MARCHF1: variants seen among roughly 807,000 people sequenced by gnomAD.
MARCHF1 encodes the protein membrane associated ring-CH-type finger 1.
In MARCHF1, 40 loss-of-function variants were observed where a neutral mutation model predicts 54.2. That is an observed-to-expected ratio of 0.74 (90% confidence interval 0.57 to 0.96). MARCHF1 has a LOEUF of 0.96. Among genes scored for constraint, MARCHF1 ranks in the 40% least tolerant of loss-of-function variants. The pLI is 0.00. For missense variants in MARCHF1, 586 were observed against 656.5 expected (o/e 0.89, Z 1.17); for synonymous variants, 236 against 236.3 (o/e 1.00, Z 0.01).
intron 8 of MARCHF1, among the ~76,000 whole-genome samples, chr4:163,571,695 T>C (rs1739846695): frequency 6.6e-6 from 1 of 152,052 alleles, no homozygotes; most frequent in African/African-American, 2.4e-5. Context: ...GAAAACAGAG[T>C]TATATTTCTT....
chr4:163,836,745 C>G (rs1749198347), intron 4 of MARCHF1, among the ~76,000 whole-genome samples: 1 of 52,976 alleles, frequency 1.9e-5, no homozygotes, highest in Non-Finnish European at 5.3e-5. Context: ...CCCCAATAAA[C>G]AGTGATACCA....
At chr4:163,537,414 C>A (rs1738572109) in intron 9 of MARCHF1, among the ~76,000 whole-genome samples, 1 of 152,164 alleles carries the variant, frequency 6.6e-6, no homozygotes. Flanking sequence ...TTCAAGGTAT[C>A]TTTGTCCTCA....
At chr4:164,105,360 A>T (rs74861784) in intron 2 of MARCHF1, among the ~76,000 whole-genome samples, 19,880 of 148,216 alleles carry the variant, frequency 0.13, 2,232 homozygotes, top group African/African-American at 0.32. Flanking sequence ...ACCTGACTTC[A>T]AACTATACTA....
chr4:163,996,941 C>T (rs1753088581), intron 2 of MARCHF1, among the ~76,000 whole-genome samples: 2 of 151,966 alleles, frequency 1.3e-5, no homozygotes, highest in African/African-American at 4.8e-5. Context: ...GCCTCCAGAA[C>T]CATGACAATA....
At chr4:163,978,146 C>A (rs2110858494) in intron 3 of MARCHF1, among the ~76,000 whole-genome samples, 1 of 152,290 alleles carries the variant, frequency 6.6e-6, no homozygotes, top group South Asian at 2.1e-4. Context: ...TTTCACTTAT[C>A]TAAGGCAAAC....
chr4:163,596,908 G>T (rs1740793476), intron 7 of MARCHF1, among the ~76,000 whole-genome samples: 1 of 152,056 alleles, frequency 6.6e-6, no homozygotes, highest in Non-Finnish European at 1.5e-5. Flanking sequence ...TTTTCCCAGT[G>T]TGTAGGGAAT....
At chr4:164,069,851 C>T (rs543360384) in intron 2 of MARCHF1, among the ~76,000 whole-genome samples, 48 of 152,168 alleles carry the variant, frequency 3.2e-4, no homozygotes, top group South Asian at 2.1e-3. Flanking sequence ...ATAGAGAAGA[C>T]GTGGAATTAA....
chr4:163,743,003 T>C (rs570614134), intron 4 of MARCHF1, among the ~76,000 whole-genome samples: 2 of 152,362 alleles, frequency 1.3e-5, no homozygotes, highest in South Asian at 4.1e-4. Context: ...ATTTCAATAG[T>C]CGAACTATTG....
chr4:163,683,211 C>G (rs1010076264), intron 5 of MARCHF1, among the ~76,000 whole-genome samples: 1 of 152,168 alleles, frequency 6.6e-6, no homozygotes, highest in Admixed American at 6.5e-5. Flanking sequence ...TGGACTTACA[C>G]TTCCACGTGG....
chr4:163,585,534 T>G (rs1740381759), intron 8 of MARCHF1: 1 of 376,984 alleles, frequency 2.7e-6, no homozygotes, highest in Admixed American at 4.2e-5. Context: ...GAAAGTAATA[T>G]ATCAATCAGA....
intron 4 of MARCHF1, among the ~76,000 whole-genome samples, chr4:163,779,721 G>A (rs1374134639): frequency 6.6e-6 from 1 of 152,070 alleles, no homozygotes; most frequent in Non-Finnish European, 1.5e-5. Context: ...CAAAGTGGGA[G>A]ATATTCTTGG....
At chr4:163,647,761 G>A (rs894494310) in intron 5 of MARCHF1, among the ~76,000 whole-genome samples, 1 of 151,668 alleles carries the variant, frequency 6.6e-6, no homozygotes, top group Non-Finnish European at 1.5e-5. Context: ...AGCCAAAGCA[G>A]TTCTGTGACA....
At chr4:164,130,184 G>A (rs1486460056) in intron 1 of MARCHF1, 1 of 151,928 alleles carries the variant, frequency 6.6e-6, no homozygotes, top group African/African-American at 2.4e-5. Context: ...AAAGAGAAAT[G>A]GAATAAAATA....
intron 5 of MARCHF1, among the ~76,000 whole-genome samples, chr4:163,642,008 C>T (rs762337551): frequency 2.6e-5 from 4 of 152,200 alleles, no homozygotes; most frequent in Non-Finnish European, 4.4e-5. Flanking sequence ...CCTCCATCTC[C>T]ACTCCTACAG....
chr4:164,302,817 C>T (rs1215467604), intron 1 of MARCHF1, among the ~76,000 whole-genome samples: 1 of 144,934 alleles, frequency 6.9e-6, no homozygotes, highest in African/African-American at 2.6e-5. Context: ...TGCAGTGAAC[C>T]GAGATCATGT....
Position 164,158,377 on chromosome 4 carries a change from C to T in MARCHF1, c.-322-46715G>A, listed in dbSNP as rs201258880. ...TGATAAAAGGTCAGGTGTGGTGGCT[C>T]ATGCCTGTATCTCAGCACTTTGGGA... On this transcript the variant is annotated intron_variant, in intron 1 of 9. Coordinates refer to ENST00000514618, the MANE Select transcript of MARCHF1 (RefSeq NM_001394959.1). 7.2e-5 allele frequency among the ~76,000 whole-genome samples: 11 copies of T among 152,220 alleles called. No individual in the cohort carries two copies. The South Asian group carries it at 1.5e-3, about 20-fold the overall frequency.
At chr4:163,919,826 TA>T (rs1366947551) in intron 3 of MARCHF1, among the ~76,000 whole-genome samples, 4 of 152,158 alleles carry the variant, frequency 2.6e-5, no homozygotes, top group African/African-American at 9.6e-5. Flanking sequence ...ACTTTTGTTT[TA>T]ATAGCATTTT....
intron 4 of MARCHF1, among the ~76,000 whole-genome samples, chr4:163,832,733 T>TCC (rs548035670): frequency 1.7e-5 from 2 of 120,118 alleles, no homozygotes; most frequent in African/African-American, 3.0e-5. Flanking sequence ...ATGCTATCCC[T>TCC]CCCCCCTCCC....
chr4:164,196,219 T>C (rs916563429), intron 1 of MARCHF1, among the ~76,000 whole-genome samples: 2 of 152,152 alleles, frequency 1.3e-5, no homozygotes, highest in Non-Finnish European at 2.9e-5. Flanking sequence ...AATGTATAGA[T>C]GCACAGTCTC....
Sources: gnomAD v4.1 joint callset for allele counts (sites outside exome capture counted in the v4.1 genomes callset) on GRCh38, gnomAD v4.1.1 for gene constraint, MANE v1.5 for transcripts, NCBI Gene and HGNC (gene_info 2026-07-23, HGNC 2026-07-21) for gene names.